CFAP20DC: variants seen among roughly 807,000 people sequenced by gnomAD.
CFAP20DC encodes the protein CFAP20 domain containing.
CFAP20DC carries 84 observed loss-of-function variants against 101.7 expected under a neutral mutation model. That is an observed-to-expected ratio of 0.83 (90% CI 0.69 to 0.99). The LOEUF (loss-of-function observed/expected upper bound fraction) is 0.99, where lower values mean the gene tolerates loss of function less well. Among genes scored for constraint, CFAP20DC ranks in the 50% least tolerant of loss-of-function variants. The pLI is 0.00. For synonymous variants in CFAP20DC, 359 were observed against 351.2 expected (o/e 1.02, Z -0.25); for missense variants, 1,007 against 970.3 (o/e 1.04, Z -0.50).
chr3:58,852,839 G>A (rs1486788831), intron 12 of CFAP20DC, among the ~76,000 whole-genome samples: 2 of 151,048 alleles, frequency 1.3e-5, no homozygotes, highest in African/African-American at 4.9e-5. Flanking sequence ...AAAGCAGTGT[G>A]TAGAGGGAAA....
At chr3:59,003,891 A>C (rs2093370887) in intron 4 of CFAP20DC, among the ~76,000 whole-genome samples, 1 of 152,200 alleles carries the variant, frequency 6.6e-6, no homozygotes, top group South Asian at 2.1e-4. Flanking sequence ...CTCTTTTCAG[A>C]CTTGCTTTTG....
chr3:58,924,987 T>A (rs2085794198), intron 5 of CFAP20DC, among the ~76,000 whole-genome samples: 1 of 152,066 alleles, frequency 6.6e-6, no homozygotes, highest in Admixed American at 6.5e-5. Context: ...ATAGTTTTTA[T>A]TTCTCTATTT....
intron 4 of CFAP20DC, among the ~76,000 whole-genome samples, chr3:58,968,046 C>CT (rs1003386204): frequency 6.6e-6 from 1 of 152,144 alleles, no homozygotes; most frequent in Admixed American, 6.6e-5. Context: ...TGATCTTGTT[C>CT]TTTTTTATGG....
At chr3:58,778,509 GAC>G (rs977319062) in intron 15 of CFAP20DC, among the ~76,000 whole-genome samples, 1 of 152,204 alleles carries the variant, frequency 6.6e-6, no homozygotes, top group African/African-American at 2.4e-5. Flanking sequence ...CACCAGTGTG[GAC>G]CACTTGGGTC....
intron 5 of CFAP20DC, among the ~76,000 whole-genome samples, chr3:58,936,656 C>T (rs2087680490): frequency 6.6e-6 from 1 of 152,148 alleles, no homozygotes; most frequent in South Asian, 2.1e-4. Flanking sequence ...CCATCATTCT[C>T]AGTAAACTAT....
intron 12 of CFAP20DC, among the ~76,000 whole-genome samples, chr3:58,855,429 C>G (rs199775450): frequency 2.6e-5 from 4 of 151,998 alleles, no homozygotes; most frequent in African/African-American, 9.7e-5. Context: ...GTCAGTGTGG[C>G]GATTCCTCAG....
chr3:58,884,051 A>G (rs1400566082), intron 7 of CFAP20DC, among the ~76,000 whole-genome samples: 2 of 152,052 alleles, frequency 1.3e-5, no homozygotes, highest in African/African-American at 4.8e-5. Flanking sequence ...ACATTCACGT[A>G]TCCAGCTCCT....
At chr3:58,716,327 A>G (rs1458294503), downstream of CFAP20DC, among the ~76,000 whole-genome samples, 1 of 150,854 alleles carries the variant, frequency 6.6e-6, no homozygotes, top group Non-Finnish European at 1.5e-5. Flanking sequence ...ACGCCCGGCT[A>G]ATTTTTTTTG....
intron 14 of CFAP20DC, among the ~76,000 whole-genome samples, chr3:58,817,268 C>G (rs1167720256): frequency 6.6e-6 from 1 of 152,198 alleles, no homozygotes; most frequent in Non-Finnish European, 1.5e-5. Flanking sequence ...TCCTCAAGAG[C>G]AACGGAACAA....
In CFAP20DC at chr3:59,007,750, A is replaced by C. The variant is rs1161280463; in HGVS notation, c.278+31807T>G. On this transcript the variant is annotated intron_variant, in intron 4 of 16. Transcript: ENST00000482387. This position sits in a 1 kb window ranked among gnomAD's most constrained non-coding sequence, Gnocchi z 4.4. ...CCTGGTAGCCCTGCTGGGTGGCTAG[A>C]CCCAGAAGGGCAGTAACAATCACTG... Among the ~76,000 whole-genome samples, 2 of 152,100 alleles carry C rather than the reference A, an allele frequency of 1.3e-5. No individual in the cohort carries two copies. The highest frequency in any genetic ancestry group is 2.9e-5 in the Non-Finnish European group (2 of 68,016).
intron 5 of CFAP20DC, among the ~76,000 whole-genome samples, chr3:58,921,865 A>G (rs1396272803): frequency 6.6e-6 from 1 of 152,186 alleles, no homozygotes; most frequent in Non-Finnish European, 1.5e-5. Flanking sequence ...TGCTTCTTGC[A>G]TTTTGAAGCT....
chr3:58,934,305 A>G (rs999024046), intron 5 of CFAP20DC, among the ~76,000 whole-genome samples: 4 of 152,352 alleles, frequency 2.6e-5, no homozygotes, highest in African/African-American at 9.6e-5. Flanking sequence ...AAAAGAGTCC[A>G]GGACCAGATG....
chr3:58,890,699 C>G (rs1209529465), intron 6 of CFAP20DC, among the ~76,000 whole-genome samples: 8 of 150,064 alleles, frequency 5.3e-5, no homozygotes, highest in African/African-American at 1.2e-4. Flanking sequence ...GGTCTCCTCA[C>G]TTCTCAGACG....
chr3:58,823,002 T>C (rs2075793894), intron 14 of CFAP20DC, among the ~76,000 whole-genome samples: 1 of 152,180 alleles, frequency 6.6e-6, no homozygotes. Flanking sequence ...TTGCTGATTT[T>C]CTTCGTTTAT....
intron 4 of CFAP20DC, among the ~76,000 whole-genome samples, chr3:58,958,989 T>C (rs2090897715): frequency 6.6e-6 from 1 of 152,244 alleles, no homozygotes; most frequent in Admixed American, 6.5e-5. Context: ...TTTCTTATAC[T>C]AATCATATTT....
At chr3:58,778,746 T>C (rs534517074) in intron 15 of CFAP20DC, among the ~76,000 whole-genome samples, 13 of 152,334 alleles carry the variant, frequency 8.5e-5, no homozygotes, top group African/African-American at 3.1e-4. Flanking sequence ...GCTGCCACTA[T>C]TGAGGTCCGG....
At chr3:58,841,499 A>T (rs1190354954) in intron 13 of CFAP20DC, among the ~76,000 whole-genome samples, 1 of 152,242 alleles carries the variant, frequency 6.6e-6, no homozygotes, top group Non-Finnish European at 1.5e-5. Flanking sequence ...AAATGTGATG[A>T]TATTCTCTAC....
chr3:58,747,380 A>G (rs994725118), intron 16 of CFAP20DC, among the ~76,000 whole-genome samples: 6 of 152,154 alleles, frequency 3.9e-5, no homozygotes, highest in Admixed American at 3.9e-4. Context: ...CTGAAAGTCA[A>G]TTAATATAAA....
intron 4 of CFAP20DC, among the ~76,000 whole-genome samples, chr3:58,995,678 A>G (rs1375014394): frequency 6.6e-6 from 1 of 152,208 alleles, no homozygotes; most frequent in African/African-American, 2.4e-5. Context: ...GACTGAGTGA[A>G]GTAAATTGCC....
Sources: allele counts gnomAD v4.1 joint callset (sites outside exome capture counted in the v4.1 genomes callset), GRCh38; gene constraint gnomAD v4.1.1; non-coding constraint Gnocchi (gnomAD v3.1); transcripts MANE v1.5; gene names NCBI Gene and HGNC (gene_info 2026-07-23, HGNC 2026-07-21).